SDR42E1: variants seen among roughly 807,000 people sequenced by gnomAD.
The protein encoded by SDR42E1 is short chain dehydrogenase/reductase family 42E, member 1, also known as short-chain dehydrogenase/reductase family 42E member 1.
A neutral mutation model predicts 2.6 loss-of-function variants in SDR42E1; 5 were observed. The ratio of observed to expected loss-of-function variants is 1.94; its 90% CI spans 1.01 to 4.08. The LOEUF is 4.08. SDR42E1 is among the 30% of genes most tolerant of loss of function. The probability of loss-of-function intolerance (pLI) is 0.00; values close to 1 mark genes in which losing one functional copy is unlikely to be tolerated. For missense variants in SDR42E1, 596 were observed against 478.6 expected (o/e 1.25, Z -2.29); for synonymous variants, 231 against 188.3 (o/e 1.23, Z -1.86).
rs1460937209 is a variant in SDR42E1 at position 81,999,272 on chromosome 16, A to G, written c.1021T>C (p.Phe341Leu). 1.9e-6 allele frequency: 3 copies of G among 1,614,248 alleles called. No individual in the cohort carries two copies. The Admixed American group carries it at 5.0e-5, about 27-fold the overall frequency. Residue 341 changes from phenylalanine to leucine, a missense_variant, in exon 3 of 3, where the codon TTT becomes CTT. By Grantham distance (22) the Phe-to-Leu change is conservative (BLOSUM62 0). Transcript: ENST00000328945. ...KKELGYKAQP[F>L]DLQEAVEWFK... Reference sequence around the variant, plus strand: ...CATTCCACTGCTTCCTGGAGGTCAAATGGCTGAGCCTTATAACCTAGCTCT... The same window carrying G: ...CATTCCACTGCTTCCTGGAGGTCAAGTGGCTGAGCCTTATAACCTAGCTCT...
intron 1 of SDR42E1, among the ~76,000 whole-genome samples, chr16:82,004,533 C>G (rs1393773814): frequency 6.6e-6 from 1 of 152,212 alleles, no homozygotes; most frequent in East Asian, 1.9e-4. Flanking sequence ...CAAGGTCTCA[C>G]TCTGTTGCCC....
chr16:82,010,546 C>G lies in SDR42E1; in HGVS notation c.-27+841G>C, dbSNP rs546396020. Among the ~76,000 whole-genome samples the G allele has an allele frequency of 1.3e-4, 20 of 152,318 alleles. No individual in the cohort carries two copies. The East Asian group carries it at 3.9e-3, about 29-fold the overall frequency. On this transcript the variant is annotated intron_variant, in intron 1 of 2. Transcript: ENST00000328945. ...TGCCTCCCATTCTATTCATGTATCT[C>G]TGCTCACTAAAATAAAGGCATATCT...
chr16:81,997,659 G>C lies in SDR42E1; in HGVS notation c.*1452C>G, dbSNP rs567089632. 1.3e-5 allele frequency: 2 copies of C among 152,358 alleles called. No homozygotes were observed. The highest frequency in any genetic ancestry group is 4.1e-4 in the South Asian group (2 of 4,826). The allele number at this position is 152,358 out of a possible 1,614,324, so 9.4% of individuals were successfully genotyped here. A position where few individuals can be genotyped will look rare whatever the true frequency, so the allele number is the denominator to read the frequency against. ...ACTACCATCACCTCATACTGATGTT[G>C]CAATTTATATTAGAAGTACTTTCAC... On this transcript the variant is annotated 3_prime_UTR_variant, in exon 3 of 3. Transcript: ENST00000328945.
Position 81,991,162 on chromosome 16 carries a change from C to G in SDR42E1, c.*7949G>C, listed in dbSNP as rs1351521050. 1 of 152,146 alleles carries G rather than the reference C, an allele frequency of 6.6e-6. No homozygotes were observed. The highest frequency in any genetic ancestry group is 1.5e-5 in the Non-Finnish European group (1 of 68,050). 9.4% of individuals were successfully genotyped at this position (152,146 alleles called of 1,614,324 possible). On this transcript the variant is annotated 3_prime_UTR_variant, in exon 3 of 3. Coordinates refer to ENST00000328945, the MANE Select transcript of SDR42E1 (RefSeq NM_145168.3). ...GTCCTCTGGGCTATTAAGTATGGCT[C>G]TAACATCCATGCTCCTCACAAAATA...
At position 81,996,122 on chromosome 16, in the gene SDR42E1, G is replaced by A. The variant is rs1438079691; in HGVS notation, c.*2989C>T. The A allele has an allele frequency of 6.6e-6, 1 of 152,242 alleles. No homozygotes were observed. Among genetic ancestry groups the A allele is most frequent in the Non-Finnish European group, 1.5e-5 (1 of 68,072 alleles). The allele number at this position is 152,242 out of a possible 1,614,324, so 9.4% of individuals were successfully genotyped here. A position where few individuals can be genotyped will look rare whatever the true frequency, so the allele number is the denominator to read the frequency against. ...GAGAGACAGGCAAGGGGCCAGTTCA[G>A]ACAAAGCCTCTTGATCACGTTAAAG... On this transcript the variant is annotated 3_prime_UTR_variant, in exon 3 of 3. Transcript: ENST00000328945.
rs1912681412 is a variant in SDR42E1, at chr16:81,999,783, G to C, written c.510C>G (p.Pro170=). 1.2e-6 allele frequency: 2 copies of C among 1,614,194 alleles called. No homozygotes were observed. Among genetic ancestry groups the C allele is most frequent in the Non-Finnish European group, 1.7e-6 (2 of 1,180,028 alleles). ...TTAAGACACCGTCGCCTCTGTCCAGGGGTGTAGCATTCGCCTCCAGCACCT... is the reference window on the plus strand; with the variant it reads ...TTAAGACACCGTCGCCTCTGTCCAGCGGTGTAGCATTCGCCTCCAGCACCT... ...EQKVLEANAT[P]LDRGDGVLRT... The change falls in exon 3 of 3, where the codon CCC becomes CCG. Residue 170 remains proline, a synonymous_variant. Coordinates refer to ENST00000328945, the MANE Select transcript of SDR42E1 (RefSeq NM_145168.3).
At chr16:82,005,064 A>C (rs1363631563) in intron 1 of SDR42E1, among the ~76,000 whole-genome samples, 1 of 152,246 alleles carries the variant, frequency 6.6e-6, no homozygotes, top group Non-Finnish European at 1.5e-5. Context: ...GAATTCTGAA[A>C]ATGGACAAGG....
In SDR42E1 at chr16:81,999,235, T is replaced by G. The variant is rs1287130305; in HGVS notation, c.1058A>C (p.His353Pro). 1.2e-6 allele frequency: 2 copies of G among 1,614,224 alleles called. No homozygotes were observed. ...LQEAVEWFKA[H>P]GHGRSSGSRD... ...ACTTCCAGAACTTCTGCCATGACCA[T>G]GGGCTTTAAACCATTCCACTGCTTC... Residue 353 changes from histidine to proline, a missense_variant, in exon 3 of 3, where the codon CAT becomes CCT. By Grantham distance (77) the His-to-Pro change is moderately conservative. Transcript: ENST00000328945.
At chr16:82,000,330 T>C (rs750788859) in intron 2 of SDR42E1, 106 bp from the exon 3 acceptor site, 6 of 1,425,742 alleles carry the variant, frequency 4.2e-6, no homozygotes, top group East Asian at 4.5e-5. Flanking sequence ...CCAAGTCTTC[T>C]TGGCTCATCC....
chr16:82,006,672 T>G (rs1912947443), intron 1 of SDR42E1, among the ~76,000 whole-genome samples: 1 of 152,152 alleles, frequency 6.6e-6, no homozygotes, highest in South Asian at 2.1e-4. Flanking sequence ...TGCACACCTG[T>G]AATCTCAGCT....
chr16:82,007,131 A>C (rs1200709384), intron 1 of SDR42E1, among the ~76,000 whole-genome samples: 1 of 152,254 alleles, frequency 6.6e-6, no homozygotes. Context: ...ATGTGAGTAC[A>C]GACTGGCAAT....
chr16:82,002,625 T>C (rs554942795), intron 1 of SDR42E1, among the ~76,000 whole-genome samples: 20 of 152,190 alleles, frequency 1.3e-4, no homozygotes, highest in African/African-American at 4.1e-4. Flanking sequence ...TCACACCCGA[T>C]GGCAGTTTGG....
intron 1 of SDR42E1, among the ~76,000 whole-genome samples, chr16:82,005,597 A>G (rs1290531677): frequency 6.6e-6 from 1 of 152,222 alleles, no homozygotes; most frequent in Non-Finnish European, 1.5e-5. Context: ...TTGTTCTTCA[A>G]CCAGCTGCCT....
At chr16:82,000,388 A>T (rs1467828263) in intron 2 of SDR42E1, 164 bp from the exon 3 acceptor site, 2 of 855,030 alleles carry the variant, frequency 2.3e-6, no homozygotes, top group Admixed American at 3.9e-5. Context: ...CGCTTCTTCA[A>T]ATTTTCAAAA....
intron 1 of SDR42E1, among the ~76,000 whole-genome samples, chr16:82,001,919 A>C (rs1040129810): frequency 2.7e-5 from 4 of 148,866 alleles, no homozygotes; most frequent in Non-Finnish European, 4.4e-5. Context: ...AAAAAAAAAA[A>C]CCACAGGAAG....
chr16:82,003,426 C>A (rs149168376), intron 1 of SDR42E1, among the ~76,000 whole-genome samples: 27 of 152,240 alleles, frequency 1.8e-4, no homozygotes, highest in Non-Finnish European at 3.4e-4. Context: ...CAGTAGACAT[C>A]AGTTACTGAT....
chr16:81,993,075 A>G lies in SDR42E1; in HGVS notation c.*6036T>C, dbSNP rs924661005. 1 of 152,208 alleles carries G rather than the reference A, an allele frequency of 6.6e-6. No individual in the cohort carries two copies. Among genetic ancestry groups the G allele is most frequent in the Non-Finnish European group, 1.5e-5 (1 of 68,032 alleles). 9.4% of individuals were successfully genotyped at this position (152,208 alleles called of 1,614,324 possible). The stretch of plus-strand genomic sequence containing the variant: ...GGAAAAGTCAGCACTGGGACGTAGC[A>G]GTGCTTGTCTGTGTCAACAAAGAAC... On this transcript the variant is annotated 3_prime_UTR_variant, in exon 3 of 3. Transcript: ENST00000328945.
In SDR42E1 at chr16:81,999,566, T is replaced by G. The variant is rs1912665892; in HGVS notation, c.727A>C (p.Lys243Gln). The change falls in exon 3 of 3, where the codon AAG (lysine) becomes CAG (glutamine). Residue 243 changes from lysine (K) to glutamine (Q), a missense_variant. Physicochemically the swap from Lys to Gln is moderately conservative, Grantham distance 53 (BLOSUM62 1). Transcript: ENST00000328945. ...ILASEALRAD[K>Q]GHIASGQPYF... ...GGCTGCCCAGAGGCAATATGGCCCT[T>G]GTCAGCTCTCAGGGCTTCTGAGGCC... 6.2e-7 allele frequency: 1 copy of G among 1,614,008 alleles called. No individual in the cohort carries two copies. The highest frequency in any genetic ancestry group is 8.5e-7 in the Non-Finnish European group (1 of 1,180,038).
rs780425083 is a variant in SDR42E1, at chr16:81,999,557, T to C, written c.736A>G (p.Ile246Val). 3 of 1,613,974 alleles carry C rather than the reference T, an allele frequency of 1.9e-6. No individual in the cohort carries two copies. The highest frequency in any genetic ancestry group is 2.5e-6 in the Non-Finnish European group (3 of 1,180,030). The change falls in exon 3 of 3, where the codon ATT (isoleucine) becomes GTT (valine). Residue 246 changes from isoleucine to valine, a missense_variant. Coordinates refer to ENST00000328945, the MANE Select transcript of SDR42E1 (RefSeq NM_145168.3). ...ATGAAGTAGGGCTGCCCAGAGGCAA[T>C]ATGGCCCTTGTCAGCTCTCAGGGCT... Reference protein sequence around the residue: ...SEALRADKGHIASGQPYFISD... With the variant: ...SEALRADKGHVASGQPYFISD...
Sources: allele counts gnomAD v4.1 joint callset (sites outside exome capture counted in the v4.1 genomes callset), GRCh38; gene constraint gnomAD v4.1.1; transcripts MANE v1.5; gene names NCBI Gene and HGNC (gene_info 2026-07-23, HGNC 2026-07-21).